The following CSF2RB variants were observed in gnomAD, a reference collection of about 807,000 sequenced individuals.
CSF2RB encodes cytokine receptor common subunit beta.
Under a neutral mutation model 67.2 loss-of-function variants are expected in CSF2RB, and 22 were observed. The ratio of observed to expected loss-of-function variants is 0.33; its 90% CI spans 0.23 to 0.47. The LOEUF (loss-of-function observed/expected upper bound fraction) is 0.47. Ranked by LOEUF, CSF2RB falls within the 20% of genes least tolerant of loss-of-function variation. CSF2RB has a pLI of 1.00. For synonymous variants in CSF2RB, 507 were observed against 482.9 expected, an observed-to-expected ratio of 1.05 and a Z score of -0.65; for missense variants, 1,113 against 1,174.5, an observed-to-expected ratio of 0.95 and a Z score of 0.76.
At chr22:36,928,783 G>C (rs1337607332) in intron 4 of CSF2RB, among the ~76,000 whole-genome samples, 13 of 152,144 alleles carry the variant, frequency 8.5e-5, no homozygotes, top group Admixed American at 4.6e-4. Context: ...GGTAGGGAAG[G>C]GGGTCAGGAC....
Position 36,930,933 on chromosome 22 carries a change from T to C in CSF2RB, c.1012+103T>C, listed in dbSNP as rs79755961. The stretch of plus-strand genomic sequence containing the variant: ...GTTCCTCCTGGCCCCGTCTTCATGT[T>C]TGTCACTTTCAAAGAGATGCAGTCC... On this transcript the variant is annotated intron_variant, in intron 8 of 13. Transcript: ENST00000403662. 1.8e-3 allele frequency: 2,569 copies of C among 1,414,614 alleles called. 45 individuals are homozygous for C. In the African/African-American group the frequency reaches 0.033, roughly 18 times the overall value. 87.6% of individuals were successfully genotyped at this position (1,414,614 alleles called of 1,614,324 possible). A position where few individuals can be genotyped will look rare whatever the true frequency, so the allele number is the denominator to read the frequency against.
At chr22:36,920,423 A>G (rs1940829285) in intron 1 of CSF2RB, among the ~76,000 whole-genome samples, 1 of 152,234 alleles carries the variant, frequency 6.6e-6, no homozygotes, top group South Asian at 2.1e-4. Context: ...TGCTTATTCC[A>G]TGTGAGATTA....
chr22:36,929,460 G>A lies in CSF2RB; in HGVS notation c.450G>A (p.Leu150=), dbSNP rs1212230364. 4.3e-6 allele frequency: 7 copies of A among 1,614,212 alleles called. No individual in the cohort carries two copies. Among genetic ancestry groups the A allele is most frequent in the Non-Finnish European group, 5.9e-6 (7 of 1,180,034 alleles). The change falls in exon 5 of 14, where the codon CTG becomes CTA. Residue 150 remains leucine, a synonymous_variant. Transcript: ENST00000403662. The stretch of plus-strand genomic sequence containing the variant: ...GCACCGACCAGGACCACTTCCTGCT[G>A]ACCTGGAGTGTGGCCCTTGGGAGTC... ...QISTDQDHFL[L]TWSVALGSPQ...
intron 1 of CSF2RB, among the ~76,000 whole-genome samples, chr22:36,916,849 A>T (rs1468136591): frequency 6.6e-6 from 1 of 151,836 alleles, no homozygotes; most frequent in African/African-American, 2.4e-5. Context: ...ACAGAGTGAG[A>T]CTCCAACTCA....
Position 36,935,613 on chromosome 22 carries a change from T to C in CSF2RB, c.1407-17T>C, listed in dbSNP as rs1260099591. 14 of 1,614,054 alleles carry C rather than the reference T, an allele frequency of 8.7e-6. No individual in the cohort carries two copies. The African/African-American group carries it at 1.7e-4, about 20-fold the overall frequency. ...CATGAGGTCTCTGATGGCTGTCACC[T>C]CCGTGGTGTCTTCCAGGCTGCGCAG... On this transcript the variant is annotated splice_polypyrimidine_tract_variant and intron_variant, in intron 11 of 13. Coordinates refer to ENST00000403662, the MANE Select transcript of CSF2RB (RefSeq NM_000395.3).
In CSF2RB at chr22:36,924,003, G is replaced by A. The variant is rs551978776; in HGVS notation, c.200+636G>A. Among the ~76,000 whole-genome samples the A allele has an allele frequency of 3.8e-4, 58 of 152,260 alleles. 2 individuals are homozygous for A. In the South Asian group the frequency reaches 0.01, roughly 27 times the overall value. ...CAGAATCGCTCTGGGGTGTTGGCCAGGGTCTAAATCAGCCATAAATTAAGT... is the reference window on the plus strand; with the variant it reads ...CAGAATCGCTCTGGGGTGTTGGCCAAGGTCTAAATCAGCCATAAATTAAGT... On this transcript the variant is annotated intron_variant, in intron 3 of 13. Transcript: ENST00000403662.
At chr22:36,916,764 T>C (rs554865990) in intron 1 of CSF2RB, among the ~76,000 whole-genome samples, 2 of 152,166 alleles carry the variant, frequency 1.3e-5, no homozygotes, top group South Asian at 2.1e-4. Context: ...GATGCTGAAG[T>C]GGGAGAACTG....
At position 36,938,941 on chromosome 22, in the gene CSF2RB, G is replaced by C; in HGVS notation, c.*439G>C. On this transcript the variant is annotated 3_prime_UTR_variant, in exon 14 of 14. Transcript: ENST00000403662. The stretch of plus-strand genomic sequence containing the variant: ...GTTGTGTTGAGGACTTGTGTGGGCT[G>C]CCTGTCCCCGGCAGTCGCTGATGCA... 2 of 598,484 alleles carry C rather than the reference G, an allele frequency of 3.3e-6. No homozygotes were observed. Among genetic ancestry groups the C allele is most frequent in the Non-Finnish European group, 6.0e-6 (2 of 334,904 alleles). The allele number at this position is 598,484 out of a possible 1,614,324, so 37.1% of individuals were successfully genotyped here.
At chr22:36,925,903 A>T in intron 3 of CSF2RB, 84 bp from the exon 4 acceptor site, 1 of 1,438,052 alleles carries the variant, frequency 7.0e-7, no homozygotes, top group Non-Finnish European at 9.7e-7. Context: ...GAACAGAGCC[A>T]GGCATGTGGT....
intron 1 of CSF2RB, among the ~76,000 whole-genome samples, chr22:36,920,907 G>A (rs4820261): frequency 0.44 from 66,810 of 151,866 alleles, 16,664 homozygotes; most frequent in Admixed American, 0.58. Flanking sequence ...ATATTTCATC[G>A]CTTCACATTG....
At chr22:36,917,513 C>G (rs1000814023) in intron 1 of CSF2RB, among the ~76,000 whole-genome samples, 1 of 152,212 alleles carries the variant, frequency 6.6e-6, no homozygotes, top group Non-Finnish European at 1.5e-5. Context: ...TCTTTTCTCT[C>G]TCTTCCTTTC....
At chr22:36,923,894 G>GGAGCC in intron 3 of CSF2RB, 2 of 784,078 alleles carry the variant, frequency 2.6e-6, no homozygotes, top group South Asian at 1.5e-5. Context: ...GGGGCTCCGC[G>GGAGCC]CTCTCCCAGG....
Position 36,938,580 on chromosome 22 carries a change from C to T in CSF2RB, c.*78C>T. The T allele has an allele frequency of 6.8e-7, 1 of 1,473,880 alleles. No homozygotes were observed. The highest frequency in any genetic ancestry group is 2.2e-5 in the Admixed American group (1 of 45,112). 91.3% of individuals were successfully genotyped at this position (1,473,880 alleles called of 1,614,324 possible). A position where few individuals can be genotyped will look rare whatever the true frequency, so the allele number is the denominator to read the frequency against. On this transcript the variant is annotated 3_prime_UTR_variant, in exon 14 of 14. Coordinates refer to ENST00000403662, the MANE Select transcript of CSF2RB (RefSeq NM_000395.3). ...GCCTGACCTTCCTCAGTCATTTCTGCAAAGCCAAGGGGCAGCCTCCTGTCA... is the reference window on the plus strand; with the variant it reads ...GCCTGACCTTCCTCAGTCATTTCTGTAAAGCCAAGGGGCAGCCTCCTGTCA...
Position 36,938,193 on chromosome 22 carries a change from C to T in CSF2RB, c.2385C>T (p.Asn795=). The T allele has an allele frequency of 6.2e-7, 1 of 1,614,192 alleles. No homozygotes were observed. Among genetic ancestry groups the T allele is most frequent in the Non-Finnish European group, 8.5e-7 (1 of 1,180,018 alleles). The change falls in exon 14 of 14, where the codon AAC becomes AAT. Residue 795 remains asparagine, a synonymous_variant. Transcript: ENST00000403662. ...CTGAGGCCAAAAGCCCTGTCCTGAA[C>T]CCAGGGGAACGCCCGGCAGATGTGT... ...VPPEAKSPVL[N]PGERPADVSP...
Position 36,926,075 on chromosome 22 carries a change from G to A in CSF2RB, c.289G>A (p.Val97Ile). 6.2e-7 allele frequency: 1 copy of A among 1,614,232 alleles called. No individual in the cohort carries two copies. The highest frequency in any genetic ancestry group is 8.5e-7 in the Non-Finnish European group (1 of 1,180,034). The change falls in exon 4 of 14, where the codon GTC becomes ATC. Residue 97 changes from valine (V) to isoleucine (I), a missense_variant. Transcript: ENST00000403662. ...TCCCCGCTGCGTGCCCAGGAGATGT[G>A]TCATTCCCTGCCAGAGTTTTGTCGT... ...PHPRCVPRRC[V>I]IPCQSFVVTD...
chr22:36,924,085 G>A (rs556141248), intron 3 of CSF2RB, among the ~76,000 whole-genome samples: 4 of 152,168 alleles, frequency 2.6e-5, no homozygotes, highest in East Asian at 1.9e-4. Flanking sequence ...TCACCCCAGC[G>A]TTGGGGGGCG....
At position 36,918,932 on chromosome 22, in the gene CSF2RB, G is replaced by A. The variant is rs1451185459; in HGVS notation, c.-172-3104G>A. 2.0e-5 allele frequency among the ~76,000 whole-genome samples: 3 copies of A among 152,148 alleles called. No individual in the cohort carries two copies. The East Asian group carries it at 5.8e-4, about 29-fold the overall frequency. ...CTGAAGCTCCAGCTATCACCTCCAA[G>A]TTGCAGGCTGGAAGAAGGAAGAAAG... On this transcript the variant is annotated intron_variant, in intron 1 of 13. Coordinates refer to ENST00000403662, the MANE Select transcript of CSF2RB (RefSeq NM_000395.3).
At chr22:36,922,541 A>G in intron 2 of CSF2RB, 1 of 581,412 alleles carries the variant, frequency 1.7e-6, no homozygotes, top group Non-Finnish European at 3.1e-6. Context: ...CCCGGCCCCT[A>G]GGCTCCAGGA....
rs672601313 is a variant in CSF2RB, at chr22:36,930,468, C to T, written c.812C>T (p.Ser271Leu). Reference sequence around the variant, plus strand: ...GAGGTGAGGAAGGAGGTGGCCAGCTCGGTCTCCTTTGGCCTATTCTACAAG... The same window carrying T: ...GAGGTGAGGAAGGAGGTGGCCAGCTTGGTCTCCTTTGGCCTATTCTACAAG... ...SWEVRKEVASSVSFGLFYKPS... is the reference protein window; with the variant it reads ...SWEVRKEVASLVSFGLFYKPS... The change falls in exon 7 of 14, where the codon TCG becomes TTG. Residue 271 changes from serine to leucine, a missense_variant. Ser to Leu is a moderately radical substitution (Grantham distance 145, BLOSUM62 -2). Coordinates refer to ENST00000403662, the MANE Select transcript of CSF2RB (RefSeq NM_000395.3). The T allele has an allele frequency of 5.0e-6, 8 of 1,613,588 alleles. No individual in the cohort carries two copies. The highest frequency in any genetic ancestry group is 5.9e-6 in the Non-Finnish European group (7 of 1,180,036).
Sources: allele counts gnomAD v4.1 joint callset (sites outside exome capture counted in the v4.1 genomes callset), GRCh38; gene constraint gnomAD v4.1.1; transcripts MANE v1.5; gene names NCBI Gene and HGNC (gene_info 2026-07-23, HGNC 2026-07-21).